The following EBF1 variants were observed in gnomAD, a reference collection of about 807,000 sequenced individuals.
EBF1 encodes the protein transcription factor COE1.
EBF1 carries 10 observed loss-of-function variants against 68.4 expected under a neutral mutation model. That is an observed-to-expected ratio of 0.15 (90% CI 0.09 to 0.25). The LOEUF (loss-of-function observed/expected upper bound fraction) is 0.25. Ranked by LOEUF, EBF1 falls within the 10% of genes least tolerant of loss-of-function variation. The pLI is 1.00. For missense variants in EBF1, 509 were observed against 794.4 expected (o/e 0.64, Z 4.32); for synonymous variants, 298 against 299.8 (o/e 0.99, Z 0.06).
intron 4 of EBF1, 40 bp from the exon 5 acceptor site, chr5:159,084,779 A>G: frequency 6.9e-7 from 1 of 1,457,430 alleles, no homozygotes; most frequent in Non-Finnish European, 9.3e-7. Flanking sequence ...AATGGAAAGG[A>G]GTAGCAGAAA....
chr5:158,872,996 ATTTTTTTTT>A (rs539493620), intron 6 of EBF1, among the ~76,000 whole-genome samples: 1 of 81,122 alleles, frequency 1.2e-5, no homozygotes, highest in African/African-American at 5.0e-5. Flanking sequence ...AATGACACTA[ATTTTTTTTT>A]TTTTTTTTTT....
chr5:158,842,481 A>G (rs1790528703), intron 6 of EBF1, among the ~76,000 whole-genome samples: 2 of 152,212 alleles, frequency 1.3e-5, no homozygotes, highest in South Asian at 4.1e-4. Flanking sequence ...GATATGGTGA[A>G]AGGCCACAGC....
intron 4 of EBF1, among the ~76,000 whole-genome samples, chr5:159,089,625 A>G (rs1781272797): frequency 6.6e-6 from 1 of 152,172 alleles, no homozygotes; most frequent in South Asian, 2.1e-4. Flanking sequence ...TTTGTGTTCC[A>G]CGACAAAATA....
intron 6 of EBF1, among the ~76,000 whole-genome samples, chr5:158,871,048 A>G (rs112225285): frequency 1.6e-4 from 25 of 152,338 alleles, no homozygotes; most frequent in African/African-American, 5.8e-4. Context: ...AGAAGGAAAA[A>G]AATACTCTCT....
chr5:158,899,401 G>A (rs578200462), intron 6 of EBF1, among the ~76,000 whole-genome samples: 2 of 152,346 alleles, frequency 1.3e-5, no homozygotes, highest in East Asian at 3.9e-4. Flanking sequence ...ATTCCCGAAT[G>A]GTGGGAATCA....
intron 8 of EBF1, among the ~76,000 whole-genome samples, chr5:158,808,944 C>A (rs905968026): frequency 6.6e-6 from 1 of 152,130 alleles, no homozygotes; most frequent in Non-Finnish European, 1.5e-5. Context: ...CTTTCTATCC[C>A]AGTCTACAAA....
Position 158,805,913 on chromosome 5 carries a change from C to T in EBF1, c.779-9438G>A, listed in dbSNP as rs553370641. 3.3e-5 allele frequency among the ~76,000 whole-genome samples: 5 copies of T among 151,892 alleles called. No individual in the cohort carries two copies. The South Asian group carries it at 1.0e-3, about 32-fold the overall frequency. On this transcript the variant is annotated intron_variant, in intron 8 of 15. Transcript: ENST00000313708. The stretch of plus-strand genomic sequence containing the variant: ...TCACTTAACAAAATTAGCTACAACA[C>T]TGTTTCTATCATTTTCATTAAGATT...
chr5:158,989,375 T>C (rs1759808159), intron 6 of EBF1, among the ~76,000 whole-genome samples: 1 of 152,230 alleles, frequency 6.6e-6, no homozygotes, highest in Admixed American at 6.5e-5. Context: ...AGCCAAATGA[T>C]GGACAATTTC....
chr5:158,936,332 T>C (rs1178507520), intron 6 of EBF1, among the ~76,000 whole-genome samples: 1 of 152,138 alleles, frequency 6.6e-6, no homozygotes, highest in East Asian at 1.9e-4. Flanking sequence ...AGGGTCTCAG[T>C]TCAAACTCAG....
At chr5:158,921,997 G>C (rs1021474456) in intron 6 of EBF1, among the ~76,000 whole-genome samples, 2 of 152,208 alleles carry the variant, frequency 1.3e-5, no homozygotes, top group African/African-American at 4.8e-5. Flanking sequence ...GAGAGACAGA[G>C]ACAGACAGCG....
chr5:158,842,312 T>C (rs1013879755), intron 6 of EBF1, among the ~76,000 whole-genome samples: 39 of 152,220 alleles, frequency 2.6e-4, no homozygotes, highest in Non-Finnish European at 8.8e-5. Flanking sequence ...GTTGTGATCC[T>C]TGAATCTTGC....
chr5:158,892,720 A>G (rs1260960910), intron 6 of EBF1, among the ~76,000 whole-genome samples: 1 of 152,208 alleles, frequency 6.6e-6, no homozygotes, highest in Non-Finnish European at 1.5e-5. Context: ...TCTTTGATGC[A>G]TAAACAAGCT....
At chr5:158,707,316 T>C (rs993311632) in intron 15 of EBF1, among the ~76,000 whole-genome samples, 1 of 152,218 alleles carries the variant, frequency 6.6e-6, no homozygotes, top group African/African-American at 2.4e-5. Flanking sequence ...GAAAAGGTCA[T>C]CTCAACTCTT....
rs149017172 is a variant in EBF1 at position 158,732,039 on chromosome 5, G to A, written c.1037-882C>T. Among the ~76,000 whole-genome samples, 75 of 152,236 alleles carry A rather than the reference G, an allele frequency of 4.9e-4. No homozygotes were observed. The East Asian group carries it at 0.013, about 26-fold the overall frequency. On this transcript the variant is annotated intron_variant, in intron 10 of 15. Coordinates refer to ENST00000313708, the MANE Select transcript of EBF1 (RefSeq NM_024007.5). ...TTCAGGCTGTCTCACGTGAAACAGCGGAGATGGAAAACACGGCAGCTCCAG... is the reference window on the plus strand; with the variant it reads ...TTCAGGCTGTCTCACGTGAAACAGCAGAGATGGAAAACACGGCAGCTCCAG...
At chr5:158,964,050 T>C (rs563230865) in intron 6 of EBF1, among the ~76,000 whole-genome samples, 1 of 152,192 alleles carries the variant, frequency 6.6e-6, no homozygotes, top group East Asian at 1.9e-4. Flanking sequence ...AGAAGGCCCC[T>C]TTGAGAAGTT....
chr5:158,941,127 A>G (rs1813270670), intron 6 of EBF1: 4 of 451,926 alleles, frequency 8.9e-6, no homozygotes, highest in Non-Finnish European at 4.4e-6. Flanking sequence ...CAGAAAAAAG[A>G]TGAACATATG....
intron 4 of EBF1, among the ~76,000 whole-genome samples, chr5:159,091,985 T>C (rs994660610): frequency 6.6e-6 from 1 of 152,184 alleles, no homozygotes. Context: ...TTATAAAATA[T>C]CACTCTTTTA....
intron 6 of EBF1, among the ~76,000 whole-genome samples, chr5:158,990,725 T>C (rs922582198): frequency 6.6e-6 from 1 of 152,320 alleles, no homozygotes; most frequent in African/African-American, 2.4e-5. Flanking sequence ...TAACTCTTAA[T>C]GGGAATTGCA....
chr5:159,023,586 T>G (rs1418579039), intron 6 of EBF1, among the ~76,000 whole-genome samples: 1 of 152,214 alleles, frequency 6.6e-6, no homozygotes, highest in East Asian at 1.9e-4. Context: ...ATTGGCAAAG[T>G]TACAAATCTA....
Sources: allele counts gnomAD v4.1 joint callset (sites outside exome capture counted in the v4.1 genomes callset), GRCh38; gene constraint gnomAD v4.1.1; transcripts MANE v1.5; gene names NCBI Gene and HGNC (gene_info 2026-07-23, HGNC 2026-07-21).